Variants in RANBP10 observed in about 807,000 individuals in gnomAD.
RANBP10 encodes ran-binding protein 10.
A neutral mutation model predicts 72.8 loss-of-function variants in RANBP10; 24 were observed. That is an observed-to-expected ratio of 0.33 (90% CI 0.24 to 0.46). RANBP10 has a LOEUF of 0.46. Ranked by LOEUF, RANBP10 falls within the 20% of genes least tolerant of loss-of-function variation. RANBP10 has a pLI of 1.00. For missense variants in RANBP10, 679 were observed against 817.5 expected, an observed-to-expected ratio of 0.83 and a Z score of 2.07; for synonymous variants, 310 against 322.3, an observed-to-expected ratio of 0.96 and a Z score of 0.41.
intron 1 of RANBP10, 101 bp downstream of exon 1, chr16:67,806,201 C>G (rs1230285052): frequency 1.5e-5 from 17 of 1,163,466 alleles, no homozygotes; most frequent in Non-Finnish European, 1.9e-5. Context: ...TAACTTGGAG[C>G]ACCTAGGCAG....
chr16:67,775,477 G>T (rs934854610), intron 2 of RANBP10, among the ~76,000 whole-genome samples: 1 of 152,004 alleles, frequency 6.6e-6, no homozygotes, highest in Admixed American at 6.6e-5. Context: ...ATCCAAATTG[G>T]AAAGGAAAAC....
At position 67,730,075 on chromosome 16, in the gene RANBP10, C is replaced by G; in HGVS notation, c.890-29G>C. 6.3e-7 allele frequency: 1 copy of G among 1,598,978 alleles called. No homozygotes were observed. Among genetic ancestry groups the G allele is most frequent in the Non-Finnish European group, 8.5e-7 (1 of 1,173,284 alleles). ...CAGGGTGCAAGAACACAGCAGTGAG[C>G]GAGGGCTACAGGCCTCTCCCACAGC... On this transcript the variant is annotated intron_variant, in intron 7 of 13. Coordinates refer to ENST00000317506, the MANE Select transcript of RANBP10 (RefSeq NM_020850.3). The surrounding 1 kb of genome is among the most constrained non-coding windows in gnomAD (Gnocchi z 4.3).
rs188815156 is a variant in RANBP10 at position 67,794,359 on chromosome 16, C to T, written c.347+11069G>A. Among the ~76,000 whole-genome samples, 167 of 151,830 alleles carry T rather than the reference C, an allele frequency of 1.1e-3. 1 individual carries two copies. Among genetic ancestry groups the T allele is most frequent in the African/African-American group, 3.7e-3 (152 of 41,468 alleles). ...GGCTGAGGCGGGAGAATTGCTTGAA[C>T]TCAGGGGGCGGAGGTTGGAGTGAGC... On this transcript the variant is annotated intron_variant, in intron 2 of 13. Transcript: ENST00000317506.
At chr16:67,744,120 C>T (rs1436137129) in intron 4 of RANBP10, 168 bp downstream of exon 4, 17 of 1,401,166 alleles carry the variant, frequency 1.2e-5, no homozygotes, top group South Asian at 5.0e-5. Flanking sequence ...TGAACAAAGG[C>T]GTGCCCCTGC....
intron 12 of RANBP10, 77 bp downstream of exon 12, chr16:67,727,674 C>T (rs1460278950): frequency 1.2e-6 from 2 of 1,601,584 alleles, no homozygotes; most frequent in East Asian, 2.2e-5. Flanking sequence ...CCTGCTGCCC[C>T]CTGGACTCTC....
At chr16:67,737,522 AAGAAG>A (rs1396358886) in intron 5 of RANBP10, among the ~76,000 whole-genome samples, 1 of 152,138 alleles carries the variant, frequency 6.6e-6, no homozygotes, top group Non-Finnish European at 1.5e-5. Flanking sequence ...ATCCTTTTCT[AAGAAG>A]AGAAGACCCC....
intron 2 of RANBP10, among the ~76,000 whole-genome samples, chr16:67,804,558 C>A (rs1328423426): frequency 2.6e-5 from 4 of 152,096 alleles, no homozygotes; most frequent in African/African-American, 9.7e-5. Context: ...CACACCACCA[C>A]ACCCAGCTAA....
chr16:67,764,536 C>A (rs2054460809), intron 3 of RANBP10, among the ~76,000 whole-genome samples: 1 of 152,018 alleles, frequency 6.6e-6, no homozygotes, highest in Admixed American at 6.6e-5. Context: ...CAGGAACACT[C>A]TAGAGGCACA....
intron 6 of RANBP10, among the ~76,000 whole-genome samples, chr16:67,731,946 A>G (rs914346905): frequency 6.6e-6 from 1 of 152,198 alleles, no homozygotes; most frequent in African/African-American, 2.4e-5. Context: ...CAAGCCTAAG[A>G]GGCCAATAGT....
chr16:67,754,887 T>C (rs1412238283), intron 3 of RANBP10, among the ~76,000 whole-genome samples: 1 of 152,178 alleles, frequency 6.6e-6, no homozygotes, highest in African/African-American at 2.4e-5. Flanking sequence ...GGCATGGTTG[T>C]CAAAGGGCCC....
intron 1 of RANBP10, among the ~76,000 whole-genome samples, chr16:67,806,092 C>A (rs1160811238): frequency 6.6e-6 from 1 of 152,218 alleles, no homozygotes; most frequent in Non-Finnish European, 1.5e-5. Flanking sequence ...ACACCTGTTG[C>A]GGTTCTCTTG....
At chr16:67,768,958 T>C (rs1350039544) in intron 3 of RANBP10, among the ~76,000 whole-genome samples, 1 of 152,218 alleles carries the variant, frequency 6.6e-6, no homozygotes, top group Non-Finnish European at 1.5e-5. Context: ...CCGCCACCCA[T>C]CCCTTCCCAA....
intron 3 of RANBP10, among the ~76,000 whole-genome samples, chr16:67,764,416 A>G (rs1240690454): frequency 6.6e-6 from 1 of 152,218 alleles, no homozygotes; most frequent in Non-Finnish European, 1.5e-5. Context: ...ACTGAGACTC[A>G]GTATCTAAAA....
chr16:67,791,461 C>G (rs1035076334), intron 2 of RANBP10, among the ~76,000 whole-genome samples: 1 of 152,158 alleles, frequency 6.6e-6, no homozygotes, highest in Non-Finnish European at 1.5e-5. Context: ...TCCCTACACC[C>G]ACAGGGCTCT....
rs537283039 is a variant in RANBP10, at chr16:67,729,624, A to G, written c.1147+56T>C. 19 of 1,568,978 alleles carry G rather than the reference A, an allele frequency of 1.2e-5. No individual in the cohort carries two copies. The East Asian group carries it at 4.3e-4, about 35-fold the overall frequency. On this transcript the variant is annotated intron_variant, in intron 9 of 13. Coordinates refer to ENST00000317506, the MANE Select transcript of RANBP10 (RefSeq NM_020850.3). The surrounding 1 kb of genome is among the most constrained non-coding windows in gnomAD (Gnocchi z 7.1). ...GCCCAGCCCAGGAAAGGGTATGTGG[A>G]GTGGCCTCTCTCCTCCACACCAGTT... is the stretch of plus-strand genomic sequence containing the variant.
At chr16:67,733,551 C>G (rs1468752982) in intron 6 of RANBP10, among the ~76,000 whole-genome samples, 1 of 152,200 alleles carries the variant, frequency 6.6e-6, no homozygotes, top group Non-Finnish European at 1.5e-5. Flanking sequence ...TCTGTGATAA[C>G]ATAGCCATTA....
Position 67,805,435 on chromosome 16 carries a change from T to C in RANBP10, c.340A>G (p.Arg114Gly), listed in dbSNP as rs1404094117. The C allele has an allele frequency of 1.2e-6, 2 of 1,613,936 alleles. No individual in the cohort carries two copies. The highest frequency in any genetic ancestry group is 1.7e-5 in the Admixed American group (1 of 60,010). Residue 114 changes from arginine (R) to glycine (G), a missense_variant, in exon 2 of 14, where the codon AGA becomes GGA. Transcript: ENST00000317506. ...TGGTCATGAAGGGCTTACCCATCTC[T>C]TCCTTTGCTGACAATCTTCACTTCA... ...YFEVKIVSKG[R>G]DGYMGIGLSA...
chr16:67,771,342 T>C (rs2054603567), intron 3 of RANBP10, among the ~76,000 whole-genome samples: 1 of 151,950 alleles, frequency 6.6e-6, no homozygotes, highest in African/African-American at 2.4e-5. Flanking sequence ...TGATCTTTTT[T>C]ATTTATTTTA....
In RANBP10 at chr16:67,806,397, T is replaced by G. The variant is rs1242902962; in HGVS notation, c.140A>C (p.Asn47Thr). The G allele has an allele frequency of 1.2e-6, 2 of 1,610,348 alleles. No homozygotes were observed. Among genetic ancestry groups the G allele is most frequent in the Non-Finnish European group, 1.7e-6 (2 of 1,178,592 alleles). ...GCGCGGCAGCGGAGTCTCTTGCTGG[T>G]TGACCGCGGGATACAGGCGCTGCAA... Reference protein sequence around the residue: ...RRLQRLYPAVNQQETPLPRSW... With the variant: ...RRLQRLYPAVTQQETPLPRSW... The change falls in exon 1 of 14, where the codon AAC becomes ACC. Residue 47 changes from asparagine (N) to threonine (T), a missense_variant. By Grantham distance (65) the Asn-to-Thr change is moderately conservative (BLOSUM62 0). Transcript: ENST00000317506.
Sources: allele counts gnomAD v4.1 joint callset (sites outside exome capture counted in the v4.1 genomes callset), GRCh38; gene constraint gnomAD v4.1.1; non-coding constraint Gnocchi (gnomAD v3.1); transcripts MANE v1.5; gene names NCBI Gene and HGNC (gene_info 2026-07-23, HGNC 2026-07-21).